CHRNA6: variants seen among roughly 807,000 people sequenced by gnomAD.
CHRNA6 encodes neuronal acetylcholine receptor subunit alpha-6.
Under a neutral mutation model 40.9 loss-of-function variants are expected in CHRNA6, and 31 were observed. The ratio of observed to expected loss-of-function variants is 0.76; its 90% CI spans 0.57 to 1.02. The LOEUF (loss-of-function observed/expected upper bound fraction) is 1.02. CHRNA6 is among the 50% of genes least tolerant of loss of function. The pLI is 0.00. For synonymous variants in CHRNA6, 222 were observed against 221.3 expected (o/e 1.00, Z -0.03); for missense variants, 546 against 596.6 (o/e 0.92, Z 0.88).
chr8:42,765,858 C>T (rs908535282), intron 1 of CHRNA6, among the ~76,000 whole-genome samples: 1 of 152,092 alleles, frequency 6.6e-6, no homozygotes, highest in Non-Finnish European at 1.5e-5. Flanking sequence ...AAATCAAAAC[C>T]ACAATGAGAT....
At chr8:42,764,956 G>A in intron 2 of CHRNA6, 109 bp downstream of exon 2, 1 of 1,229,508 alleles carries the variant, frequency 8.1e-7, no homozygotes, top group Non-Finnish European at 1.1e-6. Context: ...GGCTTTGAAG[G>A]GCCAGATCTC....
chr8:42,753,180 T>C lies in CHRNA6; in HGVS notation c.1484A>G (p.Ter495=). The C allele has an allele frequency of 1.3e-6, 2 of 1,591,162 alleles. No homozygotes were observed. Among genetic ancestry groups the C allele is most frequent in the Non-Finnish European group, 8.5e-7 (1 of 1,174,620 alleles). ...TCTGAACATAAAAGAAAATACATTT[T>C]AAGATTTTCCTGTGTTCCCAAGTAG... ...QPLLGNTGKS[*] Residue 495 remains the stop codon, a stop_retained_variant, in exon 6 of 6, where the codon TAA becomes TGA. Transcript: ENST00000276410.
intron 2 of CHRNA6, among the ~76,000 whole-genome samples, chr8:42,760,756 A>C (rs1203718463): frequency 6.6e-6 from 1 of 152,238 alleles, no homozygotes; most frequent in Non-Finnish European, 1.5e-5. Flanking sequence ...GCAGATACTT[A>C]AATGACCAGA....
At chr8:42,757,186 T>C in intron 3 of CHRNA6, 149 bp from the exon 4 acceptor site, 1 of 613,186 alleles carries the variant, frequency 1.6e-6, no homozygotes. Context: ...GCCAGCATAG[T>C]GAAACCCCGT....
At chr8:42,767,428 C>A (rs1816991040) in intron 1 of CHRNA6, among the ~76,000 whole-genome samples, 1 of 152,122 alleles carries the variant, frequency 6.6e-6, no homozygotes, top group Non-Finnish European at 1.5e-5. Context: ...TTCATTACTA[C>A]CTCCTCTACA....
At chr8:42,766,829 C>T (rs1816982659) in intron 1 of CHRNA6, among the ~76,000 whole-genome samples, 1 of 152,200 alleles carries the variant, frequency 6.6e-6, no homozygotes, top group Admixed American at 6.5e-5. Context: ...CACACCATGG[C>T]ACACGTTTAC....
At chr8:42,765,871 C>A (rs974100584) in intron 1 of CHRNA6, among the ~76,000 whole-genome samples, 1 of 152,184 alleles carries the variant, frequency 6.6e-6, no homozygotes, top group East Asian at 1.9e-4. Context: ...AATGAGATAT[C>A]ATCTCAAGCC....
chr8:42,756,857 T>G (rs1375703302), intron 4 of CHRNA6, 33 bp from the exon 5 acceptor site: 1 of 1,608,808 alleles, frequency 6.2e-7, no homozygotes, highest in Non-Finnish European at 8.5e-7. Context: ...TTAGTAACAC[T>G]CCCTTTGCTA....
In CHRNA6 at chr8:42,756,041, A is replaced by G. The variant is rs574636217; in HGVS notation, c.1158T>C (p.His386=). ...ATTCTTTAAGATGTCTGGGTTCCCC[A>G]TGGCTTGCAAGCTTGCCTTTGGCAG... The part of the protein sequence containing the change: ...RRPAKGKLAS[H]GEPRHLKECF... The change falls in exon 5 of 6, where the codon CAT becomes CAC. Residue 386 remains histidine, a synonymous_variant. Transcript: ENST00000276410. The G allele has an allele frequency of 1.9e-6, 3 of 1,614,244 alleles. No individual in the cohort carries two copies. Among genetic ancestry groups the G allele is most frequent in the African/African-American group, 2.7e-5 (2 of 75,072 alleles).
In CHRNA6 at chr8:42,768,437, A is replaced by C; in HGVS notation, c.-7T>G. The C allele has an allele frequency of 1.2e-6, 2 of 1,611,988 alleles. No individual in the cohort carries two copies. Among genetic ancestry groups the C allele is most frequent in the Non-Finnish European group, 1.7e-6 (2 of 1,178,114 alleles). ...GCCCCTTGCTGGTCAGCATGGTTAA[A>C]ACACACTTGGATTCCTTTTTCCTAG... On this transcript the variant is annotated 5_prime_UTR_variant, in exon 1 of 6. Coordinates refer to ENST00000276410, the MANE Select transcript of CHRNA6 (RefSeq NM_004198.3).
In CHRNA6 at chr8:42,765,115, C is replaced by T. The variant is rs149966755; in HGVS notation, c.169G>A (p.Asp57Asn). 5.6e-6 allele frequency: 9 copies of T among 1,614,176 alleles called. No homozygotes were observed. The highest frequency in any genetic ancestry group is 6.8e-6 in the Non-Finnish European group (8 of 1,180,026). Residue 57 changes from aspartate to asparagine, a missense_variant, in exon 2 of 6, where the codon GAC (aspartate) becomes AAC (asparagine). Coordinates refer to ENST00000276410, the MANE Select transcript of CHRNA6 (RefSeq NM_004198.3). ...QFIRPVENVS[D>N]PVTVHFEVAI... ...ACTTCAAAGTGTACCGTGACAGGGT[C>T]GGAAACGTTTTCCACAGGCCTGATG...
At chr8:42,759,983 G>C (rs920705621) in intron 2 of CHRNA6, among the ~76,000 whole-genome samples, 1 of 151,544 alleles carries the variant, frequency 6.6e-6, no homozygotes, top group East Asian at 1.9e-4. Context: ...CCACCACTTC[G>C]ATCGTTCACT....
In CHRNA6 at chr8:42,756,670, C is replaced by G; in HGVS notation, c.529G>C (p.Gly177Arg). 1 of 1,614,074 alleles carries G rather than the reference C, an allele frequency of 6.2e-7. No individual in the cohort carries two copies. Among genetic ancestry groups the G allele is most frequent in the Non-Finnish European group, 8.5e-7 (1 of 1,180,016 alleles). The change falls in exon 5 of 6, where the codon GGT becomes CGT. Residue 177 changes from glycine (G) to arginine (R), a missense_variant. By Grantham distance (125) the Gly-to-Arg change is moderately radical. Coordinates refer to ENST00000276410, the MANE Select transcript of CHRNA6 (RefSeq NM_004198.3). ...FDHQNCSLKFGSWTYDKAEID... is the reference protein window; with the variant it reads ...FDHQNCSLKFRSWTYDKAEID... Reference sequence around the variant, plus strand: ...TCAGCTTTGTCATACGTCCAGGAACCAAATTTTAGGGAACAGTTTTGATGA... The same window carrying G: ...TCAGCTTTGTCATACGTCCAGGAACGAAATTTTAGGGAACAGTTTTGATGA...
intron 3 of CHRNA6, among the ~76,000 whole-genome samples, chr8:42,758,714 A>ATC (rs1429372762): frequency 6.6e-6 from 1 of 152,184 alleles, no homozygotes; most frequent in East Asian, 1.9e-4. Context: ...GCTGCTGGGA[A>ATC]TCTCATGTAC....
Position 42,756,149 on chromosome 8 carries a change from G to C in CHRNA6, c.1050C>G (p.Pro350=). The C allele has an allele frequency of 6.2e-7, 1 of 1,614,252 alleles. No individual in the cohort carries two copies. The highest frequency in any genetic ancestry group is 8.5e-7 in the Non-Finnish European group (1 of 1,180,036). ...GAGGCCACCTCATCAGCAGGACCTG[G>C]GGCAGCAGCTTCAGGAAAACTGTCT... ...WVKTVFLKLL[P]QVLLMRWPLD... The change falls in exon 5 of 6, where the codon CCC becomes CCG. Residue 350 remains proline, a synonymous_variant. Coordinates refer to ENST00000276410, the MANE Select transcript of CHRNA6 (RefSeq NM_004198.3).
At chr8:42,763,622 C>T (rs1176781938) in intron 2 of CHRNA6, among the ~76,000 whole-genome samples, 1 of 152,140 alleles carries the variant, frequency 6.6e-6, no homozygotes, top group African/African-American at 2.4e-5. Context: ...ACCCAGTCCA[C>T]AGCAAGAACT....
intron 1 of CHRNA6, among the ~76,000 whole-genome samples, chr8:42,765,462 T>C (rs1414624677): frequency 6.6e-6 from 1 of 152,222 alleles, no homozygotes; most frequent in East Asian, 1.9e-4. Context: ...AAGAAAATGA[T>C]GTCGGTCAGA....
chr8:42,758,351 T>TC (rs1816841770), intron 3 of CHRNA6, among the ~76,000 whole-genome samples: 1 of 150,924 alleles, frequency 6.6e-6, no homozygotes, highest in African/African-American at 2.4e-5. Context: ...ACTTCCTTTC[T>TC]GTTTTTTTTT....
At chr8:42,761,571 G>T (rs1227365111) in intron 2 of CHRNA6, among the ~76,000 whole-genome samples, 1 of 152,244 alleles carries the variant, frequency 6.6e-6, no homozygotes, top group Non-Finnish European at 1.5e-5. Context: ...CAGGCTCGGA[G>T]AAGCTCCAGG....
Sources: allele counts gnomAD v4.1 joint callset (sites outside exome capture counted in the v4.1 genomes callset), GRCh38; gene constraint gnomAD v4.1.1; transcripts MANE v1.5; gene names NCBI Gene and HGNC (gene_info 2026-07-23, HGNC 2026-07-21).